Variants in IL1RAPL2 observed in about 807,000 individuals in gnomAD.
The protein encoded by IL1RAPL2 is interleukin 1 receptor accessory protein like 2.
Under a neutral mutation model 44.1 loss-of-function variants are expected in IL1RAPL2, and 3 were observed. The ratio of observed to expected loss-of-function variants is 0.07; its 90% confidence interval spans 0.03 to 0.18. IL1RAPL2 has a LOEUF of 0.18. Among genes scored for constraint, IL1RAPL2 ranks in the 10% least tolerant of loss-of-function variants. IL1RAPL2 has a pLI of 1.00. For missense variants in IL1RAPL2, 391 were observed against 496.4 expected (o/e 0.79, Z 2.02); for synonymous variants, 181 against 178.8 (o/e 1.01, Z -0.10).
chrX:105,142,483 C>G (rs1265784892), intron 2 of IL1RAPL2, among the ~76,000 whole-genome samples: 1 of 111,167 alleles, frequency 9.0e-6, no homozygotes, highest in Non-Finnish European at 1.9e-5. Context: ...GCTGGAGAGG[C>G]CCTGCCTGGA....
At chrX:105,214,407 A>G (rs140041090) in intron 3 of IL1RAPL2, among the ~76,000 whole-genome samples, 1,799 of 109,468 alleles carry the variant, frequency 0.016, 39 homozygotes, top group African/African-American at 0.055. Context: ...AAATGGATCA[A>G]TGCAACAAGA....
intron 6 of IL1RAPL2, among the ~76,000 whole-genome samples, chrX:105,661,656 CT>C (rs2037721314): frequency 8.9e-6 from 1 of 111,820 alleles, no homozygotes; most frequent in Non-Finnish European, 1.9e-5. Flanking sequence ...GGAGGCTGGT[CT>C]GAGAATCTCA....
intron 2 of IL1RAPL2, among the ~76,000 whole-genome samples, chrX:105,108,355 G>A (rs1194362361): frequency 9.0e-6 from 1 of 111,526 alleles, no homozygotes; most frequent in African/African-American, 3.3e-5. Flanking sequence ...TTTTGAGATG[G>A]AGTCTCACTC....
At chrX:105,264,297 G>A (rs144592707) in intron 4 of IL1RAPL2, among the ~76,000 whole-genome samples, 2,509 of 111,322 alleles carry the variant, frequency 0.023, 78 homozygotes, top group African/African-American at 0.078. Context: ...GTTTCCTGAA[G>A]CATCCCCAGC....
chrX:105,462,137 A>G (rs759478434), intron 5 of IL1RAPL2, among the ~76,000 whole-genome samples: 6 of 110,808 alleles, frequency 5.4e-5, no homozygotes, highest in Admixed American at 1.9e-4. Flanking sequence ...AAATTCTCTC[A>G]TTACTGGGCT....
chrX:105,530,542 A>C (rs2036626150), intron 6 of IL1RAPL2, among the ~76,000 whole-genome samples: 1 of 111,540 alleles, frequency 9.0e-6, no homozygotes, highest in South Asian at 3.8e-4. Context: ...CACATCATGG[A>C]TAATGGGTTG....
intron 2 of IL1RAPL2, among the ~76,000 whole-genome samples, chrX:104,894,817 C>T (rs760484555): frequency 1.8e-5 from 2 of 112,289 alleles, no homozygotes; most frequent in Non-Finnish European, 3.8e-5. Flanking sequence ...AGCTTTGTTC[C>T]ATTGCTGGCA....
At chrX:105,080,194 C>G (rs904249472) in intron 2 of IL1RAPL2, among the ~76,000 whole-genome samples, 1 of 112,042 alleles carries the variant, frequency 8.9e-6, no homozygotes, top group Admixed American at 9.4e-5. Flanking sequence ...ATGATAGTTT[C>G]TTTTGCTGTG....
At chrX:104,864,766 C>T (rs866830144) in intron 2 of IL1RAPL2, among the ~76,000 whole-genome samples, 2 of 111,560 alleles carry the variant, frequency 1.8e-5, no homozygotes, top group South Asian at 7.6e-4. Context: ...TTCTCCCATC[C>T]TTCCCCAGGA....
At chrX:105,573,311 A>C (rs1023269220) in intron 6 of IL1RAPL2, among the ~76,000 whole-genome samples, 2 of 111,394 alleles carry the variant, frequency 1.8e-5, no homozygotes, top group African/African-American at 6.5e-5. Flanking sequence ...CACCTGCTTC[A>C]GCCTCCCAAA....
At chrX:104,880,910 A>C (rs1398393287) in intron 2 of IL1RAPL2, among the ~76,000 whole-genome samples, 1 of 111,868 alleles carries the variant, frequency 8.9e-6, no homozygotes, top group African/African-American at 3.2e-5. Flanking sequence ...TTTATGTTTC[A>C]CAGCATTAGG....
intron 6 of IL1RAPL2, among the ~76,000 whole-genome samples, chrX:105,607,271 T>G (rs1034461509): frequency 3.6e-5 from 4 of 110,962 alleles, no homozygotes; most frequent in Admixed American, 1.9e-4. Flanking sequence ...TTTAATCAGT[T>G]CTATTTTTAT....
At chrX:105,636,059 AG>A (rs1191873053) in intron 6 of IL1RAPL2, among the ~76,000 whole-genome samples, 1 of 110,986 alleles carries the variant, frequency 9.0e-6, no homozygotes, top group Non-Finnish European at 1.9e-5. Flanking sequence ...TTCTTTTAAT[AG>A]GGGAGGAATG....
At chrX:105,510,236 G>A (rs1477238432) in intron 6 of IL1RAPL2, among the ~76,000 whole-genome samples, 1 of 111,142 alleles carries the variant, frequency 9.0e-6, no homozygotes, top group Non-Finnish European at 1.9e-5. Flanking sequence ...GAAACTGGTT[G>A]AACATTGTTT....
chrX:104,670,462 A>G (rs1222043752), intron 2 of IL1RAPL2, among the ~76,000 whole-genome samples: 2 of 111,392 alleles, frequency 1.8e-5, no homozygotes, highest in Non-Finnish European at 3.8e-5. Context: ...ACTGACTCAA[A>G]TGTTATCTCC....
chrX:105,448,856 CA>C (rs1210895721), intron 5 of IL1RAPL2, among the ~76,000 whole-genome samples: 5 of 110,604 alleles, frequency 4.5e-5, no homozygotes, highest in African/African-American at 1.6e-4. Flanking sequence ...TTCAGCATGC[CA>C]ATTTTATTTT....
At chrX:105,448,306 T>A (rs1418739210) in intron 5 of IL1RAPL2, among the ~76,000 whole-genome samples, 1 of 110,376 alleles carries the variant, frequency 9.1e-6, no homozygotes, top group Non-Finnish European at 1.9e-5. Flanking sequence ...TCTCTGATAT[T>A]ATCCCTTTGA....
chrX:105,134,486 C>T (rs1569389457), intron 2 of IL1RAPL2, among the ~76,000 whole-genome samples: 1 of 111,755 alleles, frequency 8.9e-6, no homozygotes, highest in African/African-American at 3.3e-5. Context: ...AGTATGTTTA[C>T]ACACAGAATT....
chrX:104,786,460 A>G (rs1932798402), intron 2 of IL1RAPL2, among the ~76,000 whole-genome samples: 1 of 111,930 alleles, frequency 8.9e-6, no homozygotes, highest in Non-Finnish European at 1.9e-5. Flanking sequence ...TACATATATT[A>G]TCTCATTGAA....
Sources: allele counts gnomAD v4.1 joint callset (sites outside exome capture counted in the v4.1 genomes callset), GRCh38; gene constraint gnomAD v4.1.1; transcripts MANE v1.5; gene names NCBI Gene and HGNC (gene_info 2026-07-23, HGNC 2026-07-21).